The following TUSC3 variants were observed in gnomAD, a reference collection of about 807,000 sequenced individuals.
TUSC3 encodes dolichyl-diphosphooligosaccharide--protein glycosyltransferase subunit TUSC3.
Under a neutral mutation model 44.8 loss-of-function variants are expected in TUSC3, and 45 were observed. The ratio of observed to expected loss-of-function variants is 1.00; its 90% CI spans 0.79 to 1.29. TUSC3 has a LOEUF of 1.29. Ranked by LOEUF, TUSC3 falls within the 50% of genes most tolerant of loss-of-function variation. TUSC3 has a pLI of 0.00. For missense variants in TUSC3, 519 were observed against 437.9 expected, an observed-to-expected ratio of 1.19 and a Z score of -1.65; for synonymous variants, 212 against 152.9, an observed-to-expected ratio of 1.39 and a Z score of -2.85.
At chr8:15,489,955 T>C (rs896753116) in intron 2 of TUSC3, among the ~76,000 whole-genome samples, 2 of 152,204 alleles carry the variant, frequency 1.3e-5, no homozygotes, top group African/African-American at 4.8e-5. Context: ...TTGTAAAGTT[T>C]TGTAATTCTG....
chr8:15,650,943 T>C (rs1806874679), intron 3 of TUSC3, 129 bp downstream of exon 3: 1 of 851,410 alleles, frequency 1.2e-6, no homozygotes, highest in Non-Finnish European at 1.9e-6. Context: ...TGAGCCGAGA[T>C]TGTGCCACTG....
At chr8:15,762,829 C>T (rs991844012) in intron 10 of TUSC3, among the ~76,000 whole-genome samples, 2 of 152,012 alleles carry the variant, frequency 1.3e-5, no homozygotes, top group African/African-American at 4.8e-5. Context: ...TCTGCTTTAC[C>T]AGCAGTGTTT....
intron 6 of TUSC3, among the ~76,000 whole-genome samples, chr8:15,710,125 C>G (rs1290214674): frequency 6.6e-6 from 1 of 151,610 alleles, no homozygotes; most frequent in East Asian, 1.9e-4. Flanking sequence ...CCTCCTTTTT[C>G]TTCTATTTGC....
chr8:15,506,718 C>G (rs1646236207), intron 2 of TUSC3, among the ~76,000 whole-genome samples: 1 of 152,096 alleles, frequency 6.6e-6, no homozygotes, highest in South Asian at 2.1e-4. Flanking sequence ...AAAACCCGTC[C>G]CCATGATTCA....
At chr8:15,564,245 G>A (rs1802584188) in intron 1 of TUSC3, among the ~76,000 whole-genome samples, 1 of 152,046 alleles carries the variant, frequency 6.6e-6, no homozygotes, top group Non-Finnish European at 1.5e-5. Context: ...ATGGAGAATA[G>A]TAGATAACTA....
intron 1 of TUSC3, among the ~76,000 whole-genome samples, chr8:15,566,771 G>T (rs1029860330): frequency 6.6e-6 from 1 of 152,002 alleles, no homozygotes; most frequent in Admixed American, 6.6e-5. Context: ...TTATAGGCAC[G>T]TGTCATCATG....
At chr8:15,574,733 G>T (rs902308321) in intron 1 of TUSC3, among the ~76,000 whole-genome samples, 2 of 152,070 alleles carry the variant, frequency 1.3e-5, no homozygotes, top group African/African-American at 4.8e-5. Context: ...GAATTTGAGA[G>T]AAATTTTCTC....
At chr8:15,622,774 C>G (rs993347698) in intron 1 of TUSC3, among the ~76,000 whole-genome samples, 5 of 151,570 alleles carry the variant, frequency 3.3e-5, no homozygotes, top group Non-Finnish European at 7.4e-5. Flanking sequence ...CTTTCTTTGT[C>G]CTTTGGATAG....
At position 15,543,002 on chromosome 8, in the gene TUSC3, G is replaced by A. The variant is rs554160849; in HGVS notation, c.138+2434G>A. Among the ~76,000 whole-genome samples, 5 of 152,272 alleles carry A rather than the reference G, an allele frequency of 3.3e-5. No homozygotes were observed. In the East Asian group the frequency reaches 5.8e-4, roughly 18 times the overall value. ...GTATCTCTGAAATACAGGCCATTCC[G>A]TATCTGGTACTCACTAAGTTCACAA... On this transcript the variant is annotated intron_variant, in intron 1 of 10. Coordinates refer to ENST00000503731, the MANE Select transcript of TUSC3 (RefSeq NM_006765.4).
chr8:15,422,693 C>G (rs892603136), intron 1 of TUSC3, among the ~76,000 whole-genome samples: 1 of 151,882 alleles, frequency 6.6e-6, no homozygotes, highest in Non-Finnish European at 1.5e-5. Context: ...ACTCTGTCAC[C>G]CAGGCTGGGG....
At chr8:15,575,520 C>T (rs1278297992) in intron 1 of TUSC3, among the ~76,000 whole-genome samples, 2 of 152,116 alleles carry the variant, frequency 1.3e-5, no homozygotes, top group Non-Finnish European at 2.9e-5. Flanking sequence ...AATCCCAGCA[C>T]ATTGGGAGGC....
chr8:15,542,942 A>G (rs1801738022), intron 1 of TUSC3, among the ~76,000 whole-genome samples: 1 of 152,218 alleles, frequency 6.6e-6, no homozygotes. Context: ...TTTGTTAAAT[A>G]CTTGGTGTTC....
chr8:15,505,861 C>G lies in TUSC3; in HGVS notation n.189+22378C>G, dbSNP rs548798100. ...CATAGTTGAGAGAATATTTCTTTCCCTGTACTTGGATACAGAATCTCTGTA... is the reference window on the plus strand; with the variant it reads ...CATAGTTGAGAGAATATTTCTTTCCGTGTACTTGGATACAGAATCTCTGTA... On this transcript the variant is annotated intron_variant and non_coding_transcript_variant, in intron 2 of 5. Coordinates refer to the TUSC3 transcript ENST00000503191. Among the ~76,000 whole-genome samples the G allele has an allele frequency of 2.0e-5, 3 of 152,220 alleles. No homozygotes were observed. In the East Asian group the frequency reaches 5.8e-4, roughly 29 times the overall value.
intron 4 of TUSC3, among the ~76,000 whole-genome samples, chr8:15,660,472 T>C (rs1244317323): frequency 6.6e-6 from 1 of 152,014 alleles, no homozygotes; most frequent in African/African-American, 2.4e-5. Flanking sequence ...AGTTCATACT[T>C]ACTTGGAGAT....
the TUSC3 span, among the ~76,000 whole-genome samples, chr8:15,851,028 T>C: frequency 3.3e-5 from 5 of 152,224 alleles, no homozygotes; most frequent in African/African-American, 9.6e-5. Context: ...GTAGGTTTGC[T>C]GATTGGTTCT....
chr8:15,617,283 G>A (rs1805036596), intron 1 of TUSC3, among the ~76,000 whole-genome samples: 1 of 151,716 alleles, frequency 6.6e-6, no homozygotes, highest in South Asian at 2.1e-4. Flanking sequence ...GGGACTGCAG[G>A]TTCGTGCCAC....
chr8:15,850,538 A>T, the TUSC3 span, among the ~76,000 whole-genome samples: 1 of 152,138 alleles, frequency 6.6e-6, no homozygotes, highest in Non-Finnish European at 1.5e-5. Context: ...CAGTCCTATC[A>T]CTTTGTGCAA....
At chr8:15,674,527 T>A (rs1246178693) in intron 6 of TUSC3, among the ~76,000 whole-genome samples, 1 of 152,010 alleles carries the variant, frequency 6.6e-6, no homozygotes, top group Non-Finnish European at 1.5e-5. Flanking sequence ...TTGAGAATAA[T>A]ATAATGGCAT....
intron 1 of TUSC3, among the ~76,000 whole-genome samples, chr8:15,590,838 A>AT (rs1803803816): frequency 2.0e-5 from 3 of 151,264 alleles, no homozygotes; most frequent in Non-Finnish European, 4.4e-5. Context: ...TGCCTGGCTA[A>AT]TTTTTTTGTA....
Sources: gnomAD v4.1 joint callset for allele counts (sites outside exome capture counted in the v4.1 genomes callset) on GRCh38, gnomAD v4.1.1 for gene constraint, MANE v1.5 for transcripts, NCBI Gene and HGNC (gene_info 2026-07-23, HGNC 2026-07-21) for gene names.